Variants in OTUD5 observed in about 807,000 individuals in gnomAD.
OTUD5 encodes OTU deubiquitinase 5, also known as OTU domain-containing protein 5.
A neutral mutation model predicts 36.3 loss-of-function variants in OTUD5; 2 were observed. That is an observed-to-expected ratio of 0.06 (90% confidence interval 0.02 to 0.17). The LOEUF is 0.17. Among genes scored for constraint, OTUD5 ranks in the 10% least tolerant of loss-of-function variants. The probability of loss-of-function intolerance (pLI) is 1.00; values close to 1 mark genes in which losing one functional copy is unlikely to be tolerated. For synonymous variants in OTUD5, 234 were observed against 214.9 expected (o/e 1.09, Z -0.78); for missense variants, 233 against 512.3 (o/e 0.45, Z 5.26).
At chrX:48,951,343 G>GCA (rs2064139079) in intron 1 of OTUD5, among the ~76,000 whole-genome samples, 1 of 112,312 alleles carries the variant, frequency 8.9e-6, no homozygotes, top group African/African-American at 3.2e-5. Flanking sequence ...GGCCAGGCGT[G>GCA]GTGGCTCACG....
At chrX:48,925,506 C>T (rs1224458219) in intron 6 of OTUD5, among the ~76,000 whole-genome samples, 5 of 111,147 alleles carry the variant, frequency 4.5e-5, no homozygotes, top group South Asian at 3.7e-4. Flanking sequence ...CAGACGAGAT[C>T]GTTGAGGGCA....
At chrX:48,934,675 CA>C (rs1569514539) in intron 4 of OTUD5, 35 bp downstream of exon 4, 1 of 1,205,672 alleles carries the variant, frequency 8.3e-7, no homozygotes, top group South Asian at 1.8e-5. Context: ...TCGAATGAGG[CA>C]CCATCTTTCC....
intron 1 of OTUD5, among the ~76,000 whole-genome samples, chrX:48,956,288 G>A (rs2064237354): frequency 1.0e-5 from 1 of 95,660 alleles, no homozygotes; most frequent in Non-Finnish European, 2.1e-5. Flanking sequence ...AAAAAGCTTA[G>A]AAGATCCCTA....
At chrX:48,933,136 CGA>C (rs1411382060) in intron 5 of OTUD5, among the ~76,000 whole-genome samples, 29 of 111,842 alleles carry the variant, frequency 2.6e-4, no homozygotes, top group African/African-American at 9.4e-4. Context: ...AAAGGCAAAA[CGA>C]GAGTCAGTAA....
upstream of OTUD5, chrX:48,957,685 A>T (rs782275059): frequency 1.3e-6 from 1 of 792,569 alleles, no homozygotes; most frequent in African/African-American, 2.4e-5. Context: ...AGACCCGGAT[A>T]AAGGGATCGC....
At position 48,922,961 on chromosome X, in the gene OTUD5, G is replaced by A; in HGVS notation, c.*213C>T. On this transcript the variant is annotated 3_prime_UTR_variant, in exon 9 of 9. Coordinates refer to ENST00000376488, the MANE Select transcript of OTUD5 (RefSeq NM_001136157.2). Reference sequence around the variant, plus strand: ...GCGGGATGGGGTGGGGGGCAACAGGGCACATCAGCTGGCAGAGAGACAGGT... The same window carrying A: ...GCGGGATGGGGTGGGGGGCAACAGGACACATCAGCTGGCAGAGAGACAGGT... The A allele has an allele frequency of 9.4e-7, 1 of 1,062,982 alleles. No homozygotes were observed. 87.6% of individuals were successfully genotyped at this position (1,062,982 alleles called of 1,213,427 possible).
chrX:48,924,276 C>T (rs1483129161), intron 6 of OTUD5, among the ~76,000 whole-genome samples: 2 of 111,402 alleles, frequency 1.8e-5, no homozygotes, highest in Non-Finnish European at 3.8e-5. Flanking sequence ...TGACAGGAAA[C>T]CCTGTTACCT....
chrX:48,932,161 G>GATA (rs781824408), intron 5 of OTUD5, among the ~76,000 whole-genome samples: 7,360 of 88,726 alleles, frequency 0.083, 569 homozygotes, highest in African/African-American at 0.21. Context: ...AAAAAAAGAT[G>GATA]ATAATAATAA....
chrX:48,957,016 T>G lies in OTUD5; in HGVS notation c.555A>C (p.Ala185=). The change falls in exon 1 of 9, where the codon GCA becomes GCC. Residue 185 remains alanine, a synonymous_variant. Coordinates refer to ENST00000376488, the MANE Select transcript of OTUD5 (RefSeq NM_001136157.2). ...CAGGGTCCATAGCCTCGATGCGTGC[T>G]GCAGCCGCCTCATACTCGTCCTCAC... The part of the protein sequence containing the change: ...YNSEDEYEAA[A]ARIEAMDPAT... 8.3e-6 allele frequency: 10 copies of G among 1,198,351 alleles called. No homozygotes were observed. Among genetic ancestry groups the G allele is most frequent in the Non-Finnish European group, 1.1e-5 (10 of 889,553 alleles).
chrX:48,954,128 CT>C (rs781933375), intron 1 of OTUD5, among the ~76,000 whole-genome samples: 4 of 107,412 alleles, frequency 3.7e-5, no homozygotes, highest in African/African-American at 6.8e-5. Context: ...TTTTCATATT[CT>C]TTTTTTTTTA....
At chrX:48,929,402 TAAATAAAATA>T (rs1167976527) in intron 5 of OTUD5, among the ~76,000 whole-genome samples, 4 of 98,985 alleles carry the variant, frequency 4.0e-5, no homozygotes, top group Non-Finnish European at 8.1e-5. Flanking sequence ...AATAAATAAA[TAAATAAAATA>T]AAATAAAATA....
intron 2 of OTUD5, chrX:48,940,891 G>A (rs1319895393): frequency 8.9e-6 from 1 of 111,962 alleles, no homozygotes; most frequent in Non-Finnish European, 1.9e-5. Context: ...GGGAACCAAT[G>A]GCAGGCAGGC....
Position 48,923,168 on chromosome X carries a change from T to A in OTUD5, c.*6A>T. ...TGGGAGATGGTGTCCAATCCCTGGG[T>A]CTCCATCAACTCTTGTCTGGGGGCG... is the stretch of plus-strand genomic sequence containing the variant. On this transcript the variant is annotated 3_prime_UTR_variant, in exon 9 of 9. Transcript: ENST00000376488. The A allele has an allele frequency of 1.7e-6, 2 of 1,209,560 alleles. No homozygotes were observed. The highest frequency in any genetic ancestry group is 2.2e-6 in the Non-Finnish European group (2 of 894,030).
At chrX:48,946,960 G>A (rs1375251062) in intron 1 of OTUD5, among the ~76,000 whole-genome samples, 1 of 112,532 alleles carries the variant, frequency 8.9e-6, no homozygotes, top group African/African-American at 3.2e-5. Flanking sequence ...TGAGGACAGT[G>A]AAATGAATCA....
chrX:48,957,593 C>T lies in OTUD5; in HGVS notation c.-23G>A. 1 of 836,401 alleles carries T rather than the reference C, an allele frequency of 1.2e-6. No homozygotes were observed. Among genetic ancestry groups the T allele is most frequent in the South Asian group, 6.2e-5 (1 of 16,187 alleles). 68.9% of individuals were successfully genotyped at this position (836,401 alleles called of 1,213,427 possible). On this transcript the variant is annotated 5_prime_UTR_variant, in exon 1 of 9. Transcript: ENST00000376488. Reference sequence around the variant, plus strand: ...CATGGCTGCACTGCCGAGTACCCCCCAACAAACCCGGCGCGGGGCACGCCG... The same window carrying T: ...CATGGCTGCACTGCCGAGTACCCCCTAACAAACCCGGCGCGGGGCACGCCG...
chrX:48,929,043 C>T (rs782472924), intron 5 of OTUD5, among the ~76,000 whole-genome samples: 3 of 110,555 alleles, frequency 2.7e-5, no homozygotes, highest in Non-Finnish European at 3.8e-5. Flanking sequence ...TTTGTCAAAA[C>T]CCATAGAATG....
At chrX:48,942,280 C>G (rs868954679) in intron 2 of OTUD5, among the ~76,000 whole-genome samples, 5 of 91,126 alleles carry the variant, frequency 5.5e-5, no homozygotes, top group South Asian at 1.1e-3. Context: ...CACACACACA[C>G]AGAGAACAGC....
At chrX:48,938,742 C>T (rs1347850790) in intron 2 of OTUD5, among the ~76,000 whole-genome samples, 1 of 111,439 alleles carries the variant, frequency 9.0e-6, no homozygotes, top group Non-Finnish European at 1.9e-5. Flanking sequence ...AGCTCCACCT[C>T]TGTCCTCCAG....
At chrX:48,955,730 G>A (rs1457159566) in intron 1 of OTUD5, among the ~76,000 whole-genome samples, 4 of 111,278 alleles carry the variant, frequency 3.6e-5, no homozygotes, top group Non-Finnish European at 7.6e-5. Flanking sequence ...AGGTGGGAGG[G>A]CCTCAAACCC....
Sources: allele counts gnomAD v4.1 joint callset (sites outside exome capture counted in the v4.1 genomes callset), GRCh38; gene constraint gnomAD v4.1.1; transcripts MANE v1.5; gene names NCBI Gene and HGNC (gene_info 2026-07-23, HGNC 2026-07-21).